RBM26: variants seen among roughly 807,000 people sequenced by gnomAD.
RBM26 encodes the protein RNA-binding protein 26.
RBM26 carries 30 observed loss-of-function variants against 123.6 expected under a neutral mutation model. The observed-to-expected ratio is 0.24, with a 90% CI of 0.18 to 0.33. The LOEUF is 0.33. Ranked by LOEUF, RBM26 falls within the 10% of genes least tolerant of loss-of-function variation. The pLI is 1.00. For missense variants in RBM26, 947 were observed against 1,203.6 expected, an observed-to-expected ratio of 0.79 and a Z score of 3.15; for synonymous variants, 400 against 404.4, an observed-to-expected ratio of 0.99 and a Z score of 0.13.
chr13:79,323,360 C>T (rs1389081992), intron 20 of RBM26, among the ~76,000 whole-genome samples: 1 of 151,220 alleles, frequency 6.6e-6, no homozygotes, highest in African/African-American at 2.4e-5. Flanking sequence ...TATTAAAATC[C>T]CCAGGTATAA....
chr13:79,324,397 T>C (rs2068079871), intron 20 of RBM26, among the ~76,000 whole-genome samples: 1 of 151,922 alleles, frequency 6.6e-6, no homozygotes. Context: ...TCTACAGATA[T>C]GAACAATCTT....
chr13:79,374,580 ATTCT>A lies in RBM26; in HGVS notation c.328-2654_328-2651del, dbSNP rs1309099116. On this transcript the variant is annotated intron_variant, in intron 3 of 21. Transcript: ENST00000438737. The stretch of plus-strand genomic sequence containing the variant: ...AACTAGGAGAAATAATCTTTAAAGC[ATTCT>A]TTCAACAGTTTGCCTTTTTAAATTC... Among the ~76,000 whole-genome samples the A allele has an allele frequency of 4.6e-5, 7 of 152,294 alleles. No homozygotes were observed. The East Asian group carries it at 1.3e-3, about 29-fold the overall frequency.
At chr13:79,330,032 G>A (rs979082895) in intron 20 of RBM26, among the ~76,000 whole-genome samples, 4 of 152,164 alleles carry the variant, frequency 2.6e-5, no homozygotes, top group Non-Finnish European at 4.4e-5. Context: ...AAGTTGTAGC[G>A]AGTGAAATAT....
chr13:79,392,155 A>G (rs904885930), intron 1 of RBM26, among the ~76,000 whole-genome samples: 15 of 56,836 alleles, frequency 2.6e-4, no homozygotes, highest in African/African-American at 6.2e-4. Context: ...TAATTATTAT[A>G]TAATTATATA....
At chr13:79,346,361 G>T (rs1330771261) in intron 14 of RBM26, among the ~76,000 whole-genome samples, 2 of 152,120 alleles carry the variant, frequency 1.3e-5, no homozygotes, top group African/African-American at 4.8e-5. Flanking sequence ...AACAATATTT[G>T]ATGTGTATTA....
intron 1 of RBM26, among the ~76,000 whole-genome samples, chr13:79,379,371 CAAAA>C (rs1160901778): frequency 9.4e-4 from 75 of 79,434 alleles, no homozygotes; most frequent in African/African-American, 2.4e-3. Flanking sequence ...CAGTCTCTAC[CAAAA>C]AAAAAAAAAA....
At chr13:79,373,726 AT>A (rs1424768425) in intron 3 of RBM26, among the ~76,000 whole-genome samples, 1 of 54,968 alleles carries the variant, frequency 1.8e-5, no homozygotes, top group African/African-American at 4.2e-5. Flanking sequence ...ACTATATATA[AT>A]AATATATAAT....
At chr13:79,370,647 T>A (rs1397191200) in intron 5 of RBM26, among the ~76,000 whole-genome samples, 1 of 152,230 alleles carries the variant, frequency 6.6e-6, no homozygotes, top group African/African-American at 2.4e-5. Flanking sequence ...AGTTTTAATA[T>A]TTTTACATAC....
chr13:79,355,689 A>G (rs2073892554), intron 11 of RBM26, among the ~76,000 whole-genome samples: 2 of 152,224 alleles, frequency 1.3e-5, no homozygotes, highest in Non-Finnish European at 2.9e-5. Context: ...TATGAGAAAC[A>G]ATCCCTATTG....
intron 1 of RBM26, among the ~76,000 whole-genome samples, chr13:79,402,659 C>T (rs1355832782): frequency 2.0e-5 from 3 of 152,020 alleles, no homozygotes; most frequent in Admixed American, 2.0e-4. Context: ...ATTTTTAGGA[C>T]CTCCATACAA....
chr13:79,388,129 T>A lies in RBM26; in HGVS notation c.72-9222A>T, dbSNP rs151260344. 3.1e-4 allele frequency among the ~76,000 whole-genome samples: 47 copies of A among 152,336 alleles called. 1 individual carries two copies. Among genetic ancestry groups the A allele is most frequent in the Admixed American group, 1.3e-3 (20 of 15,300 alleles). ...TCAAAACGTTTTATCTAATCAAACC[T>A]CTACATGCCATAAACTGGAATGCAG... On this transcript the variant is annotated intron_variant, in intron 1 of 21. Coordinates refer to ENST00000438737, the MANE Select transcript of RBM26 (RefSeq NM_001366735.2).
intron 1 of RBM26, among the ~76,000 whole-genome samples, chr13:79,385,720 T>C (rs1381960456): frequency 6.6e-6 from 1 of 152,200 alleles, no homozygotes; most frequent in Non-Finnish European, 1.5e-5. Context: ...ATAAAAACTC[T>C]CTATATTTGT....
At chr13:79,373,428 T>TATAA (rs2076259005) in intron 3 of RBM26, among the ~76,000 whole-genome samples, 1 of 56,092 alleles carries the variant, frequency 1.8e-5, no homozygotes, top group African/African-American at 8.1e-5. Context: ...AAATAAAATA[T>TATAA]AAATATATAT....
chr13:79,329,166 T>C (rs960911629), intron 20 of RBM26, among the ~76,000 whole-genome samples: 1 of 152,036 alleles, frequency 6.6e-6, no homozygotes, highest in African/African-American at 2.4e-5. Context: ...GTAAAAACCA[T>C]AGAGTCTAGA....
intron 17 of RBM26, among the ~76,000 whole-genome samples, chr13:79,341,837 T>C (rs996707045): frequency 2.0e-5 from 3 of 151,694 alleles, no homozygotes; most frequent in Non-Finnish European, 4.4e-5. Context: ...CAAATGCAAA[T>C]AGATTTAACT....
Position 79,377,454 on chromosome 13 carries a change from A to C in RBM26, c.252T>G (p.Pro84=), listed in dbSNP as rs142152904. 45 of 1,612,710 alleles carry C rather than the reference A, an allele frequency of 2.8e-5. No individual in the cohort carries two copies. The highest frequency in any genetic ancestry group is 3.6e-5 in the Non-Finnish European group (43 of 1,178,884). The change falls in exon 3 of 22, where the codon CCT becomes CCG. Residue 84 remains proline (P), a synonymous_variant. Coordinates refer to ENST00000438737, the MANE Select transcript of RBM26 (RefSeq NM_001366735.2). ...GGCTTCCTGATGATGGCTGCTCTGG[A>C]GGAGGTAGGTAACTCTTTGTATTCA... ...DAVNTKSYLP[P]PEQPSSGSLK...
At chr13:79,398,340 T>C (rs1001077297) in intron 1 of RBM26, among the ~76,000 whole-genome samples, 2 of 152,184 alleles carry the variant, frequency 1.3e-5, no homozygotes, top group Admixed American at 1.3e-4. Flanking sequence ...AGTTTAAGCA[T>C]GTAAAATAAT....
At chr13:79,354,712 T>A in intron 12 of RBM26, 142 bp from the exon 13 acceptor site, 1 of 625,688 alleles carries the variant, frequency 1.6e-6, no homozygotes, top group Non-Finnish European at 2.5e-6. Flanking sequence ...GCCTTCTAAT[T>A]TCATCCACAC....
chr13:79,392,932 C>T (rs2078227473), intron 1 of RBM26, among the ~76,000 whole-genome samples: 1 of 152,102 alleles, frequency 6.6e-6, no homozygotes, highest in Admixed American at 6.5e-5. Flanking sequence ...GATGGAGGTA[C>T]AGAGAAACCA....
Sources: gnomAD v4.1 joint callset for allele counts (sites outside exome capture counted in the v4.1 genomes callset) on GRCh38, gnomAD v4.1.1 for gene constraint, MANE v1.5 for transcripts, NCBI Gene and HGNC (gene_info 2026-07-23, HGNC 2026-07-21) for gene names.